The following ARMH4 variants were observed in gnomAD, a reference collection of about 807,000 sequenced individuals.
The protein encoded by ARMH4 is armadillo like helical domain containing 4, also known as armadillo-like helical domain-containing protein 4.
In ARMH4, 49 loss-of-function variants were observed where a neutral mutation model predicts 61.9. That is an observed-to-expected ratio of 0.79 (90% CI 0.63 to 1.00). The LOEUF is 1.00. Ranked by LOEUF, ARMH4 falls within the 50% of genes least tolerant of loss-of-function variation. The pLI, the probability that ARMH4 is intolerant of heterozygous loss-of-function variation, is 0.00. For missense variants in ARMH4, 934 were observed against 930.0 expected (o/e 1.00, Z -0.06); for synonymous variants, 368 against 341.5 (o/e 1.08, Z -0.85).
At chr14:58,034,230 G>C (rs1433877664) in intron 5 of ARMH4, among the ~76,000 whole-genome samples, 1 of 135,278 alleles carries the variant, frequency 7.4e-6, no homozygotes, top group Non-Finnish European at 1.6e-5. Flanking sequence ...CAAGCCAGAA[G>C]AGAGTGGGGG....
At position 58,004,459 on chromosome 14, in the gene ARMH4, C is replaced by T. The variant is rs563284972; in HGVS notation, c.*277G>A. On this transcript the variant is annotated 3_prime_UTR_variant, in exon 8 of 8. Transcript: ENST00000267485. The stretch of plus-strand genomic sequence containing the variant: ...ATTTACTCTGCCTAATGTAGCAACT[C>T]CTACTGAAAAACATATATGTTGCAT... The T allele has an allele frequency of 3.7e-6, 1 of 269,118 alleles. No homozygotes were observed. Among genetic ancestry groups the T allele is most frequent in the East Asian group, 6.3e-5 (1 of 15,882 alleles). The allele number at this position is 269,118 out of a possible 1,614,324, so 16.7% of individuals were successfully genotyped here.
chr14:58,106,655 G>C (rs991715718), intron 4 of ARMH4, among the ~76,000 whole-genome samples: 3 of 152,148 alleles, frequency 2.0e-5, no homozygotes, highest in Non-Finnish European at 4.4e-5. Context: ...GCTGTTCAAA[G>C]CCCACGACGA....
At chr14:58,134,245 C>A (rs558845774) in intron 2 of ARMH4, among the ~76,000 whole-genome samples, 30 of 152,202 alleles carry the variant, frequency 2.0e-4, no homozygotes, top group Non-Finnish European at 1.5e-4. Flanking sequence ...GCCCAAGGAA[C>A]ACCTTGGAGA....
In ARMH4 at chr14:58,096,719, C is replaced by A; in HGVS notation, c.2089+5G>T. ...GAGGAAAAGGGAAATACACATGACTCTTACCCAGGCCTTGATTCTGCTGTT... is the reference window on the plus strand; with the variant it reads ...GAGGAAAAGGGAAATACACATGACTATTACCCAGGCCTTGATTCTGCTGTT... On this transcript the variant is annotated splice_donor_5th_base_variant and intron_variant, in intron 5 of 7. Transcript: ENST00000267485. 1.2e-6 allele frequency: 2 copies of A among 1,613,180 alleles called. No individual in the cohort carries two copies. The highest frequency in any genetic ancestry group is 1.7e-6 in the Non-Finnish European group (2 of 1,179,466).
intron 5 of ARMH4, among the ~76,000 whole-genome samples, chr14:58,021,030 A>C (rs932643896): frequency 6.6e-6 from 1 of 152,284 alleles, no homozygotes; most frequent in South Asian, 2.1e-4. Flanking sequence ...GGAAAAAAAC[A>C]ATGTCTCAGT....
At chr14:58,109,270 G>T (rs941308106) in intron 4 of ARMH4, among the ~76,000 whole-genome samples, 3 of 152,122 alleles carry the variant, frequency 2.0e-5, no homozygotes, top group Admixed American at 6.5e-5. Context: ...TTTAAGGTTT[G>T]CCTATTACAT....
At chr14:58,068,898 T>C (rs574749621) in intron 5 of ARMH4, among the ~76,000 whole-genome samples, 1 of 151,800 alleles carries the variant, frequency 6.6e-6, no homozygotes, top group East Asian at 1.9e-4. Context: ...TCCCAGCTAC[T>C]TGGGAAGCTG....
chr14:58,149,609 T>C (rs1887858682), intron 1 of ARMH4, among the ~76,000 whole-genome samples: 1 of 152,210 alleles, frequency 6.6e-6, no homozygotes. Flanking sequence ...TGTAGACAAA[T>C]GAAGATATCC....
At chr14:58,010,813 A>G (rs531000091) in intron 6 of ARMH4, among the ~76,000 whole-genome samples, 4 of 145,968 alleles carry the variant, frequency 2.7e-5, no homozygotes, top group Non-Finnish European at 4.5e-5. Flanking sequence ...AACTGTTTAC[A>G]TGACAAAATT....
intron 5 of ARMH4, among the ~76,000 whole-genome samples, chr14:58,078,959 C>T: frequency 6.6e-6 from 1 of 152,212 alleles, no homozygotes; most frequent in East Asian, 1.9e-4. Flanking sequence ...GAAAGTCTTT[C>T]TTCGAAAGGC....
chr14:58,096,815 T>C lies in ARMH4; in HGVS notation c.1998A>G (p.Pro666=), dbSNP rs1245334080. 6.2e-7 allele frequency: 1 copy of C among 1,614,138 alleles called. No homozygotes were observed. The highest frequency in any genetic ancestry group is 2.2e-5 in the East Asian group (1 of 44,874). The change falls in exon 5 of 8, where the codon CCA becomes CCG. Residue 666 remains proline, a synonymous_variant. Coordinates refer to ENST00000267485, the MANE Select transcript of ARMH4 (RefSeq NM_001001872.4). ...FTLPGITSQE[P]GLEEGNMDLL... ...GGTCCATGTTTCCCTCCTCTAAGCC[T>C]GGTTCCTGGGATGTGATACCAGGGA... is the stretch of plus-strand genomic sequence containing the variant.
At chr14:58,011,024 C>A (rs1451118234) in intron 6 of ARMH4, among the ~76,000 whole-genome samples, 2 of 151,956 alleles carry the variant, frequency 1.3e-5, no homozygotes, top group Admixed American at 6.6e-5. Flanking sequence ...GCTTTTCTTC[C>A]CCCCAAGTTT....
intron 5 of ARMH4, 93 bp downstream of exon 5, chr14:58,096,631 C>A: frequency 1.4e-6 from 2 of 1,421,612 alleles, no homozygotes; most frequent in Non-Finnish European, 1.9e-6. Flanking sequence ...ATCCATTTTT[C>A]TTTACAATAG....
At chr14:58,027,146 A>G (rs1467903507) in intron 5 of ARMH4, among the ~76,000 whole-genome samples, 4 of 152,228 alleles carry the variant, frequency 2.6e-5, no homozygotes, top group African/African-American at 9.7e-5. Context: ...ATTAAGGCAA[A>G]TCTTTGGTTA....
In ARMH4 at chr14:58,138,314, T is replaced by C; in HGVS notation, c.1045A>G (p.Ser349Gly). The change falls in exon 2 of 8, where the codon AGC becomes GGC. Residue 349 changes from serine (S) to glycine (G), a missense_variant. Ser to Gly is a moderately conservative substitution (Grantham distance 56). Coordinates refer to ENST00000267485, the MANE Select transcript of ARMH4 (RefSeq NM_001001872.4). ...RTEMSQTAQVSHEGMEGGQPW... is the reference protein window; with the variant it reads ...RTEMSQTAQVGHEGMEGGQPW... Reference sequence around the variant, plus strand: ...TGGCCTCCTTCCATACCCTCATGGCTTACTTGTGCTGTCTGAGACATCTCC... The same window carrying C: ...TGGCCTCCTTCCATACCCTCATGGCCTACTTGTGCTGTCTGAGACATCTCC... 1 of 1,614,230 alleles carries C rather than the reference T, an allele frequency of 6.2e-7. No individual in the cohort carries two copies. The highest frequency in any genetic ancestry group is 1.3e-5 in the African/African-American group (1 of 75,068).
intron 5 of ARMH4, among the ~76,000 whole-genome samples, chr14:58,025,854 C>T (rs1883003038): frequency 6.6e-6 from 1 of 152,038 alleles, no homozygotes; most frequent in Non-Finnish European, 1.5e-5. Context: ...TAGAATGACC[C>T]ACTTCTTTGC....
At chr14:58,053,362 C>T (rs1884208847) in intron 5 of ARMH4, among the ~76,000 whole-genome samples, 1 of 152,216 alleles carries the variant, frequency 6.6e-6, no homozygotes, top group South Asian at 2.1e-4. Flanking sequence ...CCTCACCCTG[C>T]ACAGCAGGGT....
intron 4 of ARMH4, among the ~76,000 whole-genome samples, chr14:58,110,250 CATGAT>C (rs1461072928): frequency 1.3e-5 from 2 of 152,122 alleles, no homozygotes; most frequent in Non-Finnish European, 2.9e-5. Flanking sequence ...TCATGTCCAA[CATGAT>C]GTTTTGAAGT....
chr14:58,109,423 A>T (rs536886658), intron 4 of ARMH4, among the ~76,000 whole-genome samples: 11 of 152,132 alleles, frequency 7.2e-5, no homozygotes, highest in Admixed American at 5.2e-4. Context: ...TTTTCGTCAC[A>T]TGTCAAGGAC....
Sources: allele counts gnomAD v4.1 joint callset (sites outside exome capture counted in the v4.1 genomes callset), GRCh38; gene constraint gnomAD v4.1.1; transcripts MANE v1.5; gene names NCBI Gene and HGNC (gene_info 2026-07-23, HGNC 2026-07-21).